The following DNMT3B variants were observed in gnomAD, a reference collection of about 807,000 sequenced individuals.
DNMT3B encodes the protein DNA methyltransferase 3 beta.
Under a neutral mutation model 120.2 loss-of-function variants are expected in DNMT3B, and 37 were observed. The observed-to-expected ratio is 0.31, with a 90% confidence interval of 0.24 to 0.40. DNMT3B has a LOEUF of 0.40. Ranked by LOEUF, DNMT3B falls within the 10% of genes least tolerant of loss-of-function variation. The pLI is 1.00. For missense variants in DNMT3B, 878 were observed against 1,137.3 expected, an observed-to-expected ratio of 0.77 and a Z score of 3.28; for synonymous variants, 412 against 442.8, an observed-to-expected ratio of 0.93 and a Z score of 0.87.
intron 1 of DNMT3B, among the ~76,000 whole-genome samples, chr20:32,766,160 G>A (rs1601039023): frequency 1.3e-5 from 2 of 152,062 alleles, no homozygotes; most frequent in East Asian, 1.9e-4. Flanking sequence ...CCTGGCCAAC[G>A]TGATAAAACC....
chr20:32,805,233 C>T, intron 20 of DNMT3B, 105 bp from the exon 21 acceptor site: 5 of 1,374,710 alleles, frequency 3.6e-6, no homozygotes, highest in Non-Finnish European at 5.2e-6. Context: ...TAGCCAAGTT[C>T]ACTGCCAGGG....
intron 4 of DNMT3B, 76 bp downstream of exon 4, chr20:32,784,935 G>A: frequency 7.1e-7 from 1 of 1,412,350 alleles, no homozygotes; most frequent in South Asian, 1.2e-5. Flanking sequence ...TACATACATA[G>A]CATAGCTCCT....
intron 1 of DNMT3B, among the ~76,000 whole-genome samples, chr20:32,768,236 C>G (rs897685594): frequency 4.7e-5 from 7 of 150,378 alleles, no homozygotes; most frequent in African/African-American, 1.5e-4. Context: ...ACTCTTGTCG[C>G]CCAGGCTGGA....
chr20:32,798,989 G>A (rs1980995741), intron 15 of DNMT3B, among the ~76,000 whole-genome samples: 1 of 152,238 alleles, frequency 6.6e-6, no homozygotes, highest in Non-Finnish European at 1.5e-5. Context: ...CCTGTCTGGG[G>A]TGATACCTTT....
In DNMT3B at chr20:32,797,275, T is replaced by A; in HGVS notation, c.1466T>A (p.Leu489His). ...TGCTGCGAGGGCCGAGAGCTGCTGCTTTGCAGCAACACGAGCTGCTGCCGG... is the reference window on the plus strand; with the variant it reads ...TGCTGCGAGGGCCGAGAGCTGCTGCATTGCAGCAACACGAGCTGCTGCCGG... ...TVCCEGRELL[L>H]CSNTSCCRCF... The change falls in exon 14 of 23, where the codon CTT (leucine) becomes CAT (histidine). Residue 489 changes from leucine to histidine, a missense_variant. Leu to His is a moderately conservative substitution (Grantham distance 99). This residue lies in a region of DNMT3B where 334 missense variants were observed against 518.8 expected (regional missense o/e 0.64). Coordinates refer to ENST00000328111, the MANE Select transcript of DNMT3B (RefSeq NM_006892.4). 1 of 1,614,142 alleles carries A rather than the reference T, an allele frequency of 6.2e-7. No individual in the cohort carries two copies. Among genetic ancestry groups the A allele is most frequent in the Non-Finnish European group, 8.5e-7 (1 of 1,180,032 alleles).
intron 6 of DNMT3B, 46 bp downstream of exon 6, chr20:32,787,497 A>G: frequency 6.3e-7 from 1 of 1,584,760 alleles, no homozygotes; most frequent in Non-Finnish European, 8.6e-7. Context: ...AGGACCCTGA[A>G]CACGGGGAAA....
chr20:32,799,190 C>T (rs1351922088), intron 15 of DNMT3B, 54 bp from the exon 16 acceptor site: 11 of 1,573,256 alleles, frequency 7.0e-6, no homozygotes, highest in Admixed American at 5.5e-5. Context: ...TCCCTCAGAG[C>T]TTGAGTCTTT....
intron 10 of DNMT3B, among the ~76,000 whole-genome samples, 176 bp downstream of exon 10, chr20:32,793,771 G>A (rs1980274931): frequency 1.3e-5 from 2 of 152,074 alleles, no homozygotes; most frequent in Admixed American, 6.6e-5. Context: ...TTAACGTTGG[G>A]TTGCACATCC....
rs1979657503 is a variant in DNMT3B at position 32,789,013 on chromosome 20, G to A, written c.813+1G>A. On this transcript the variant is annotated splice_donor_variant, in intron 7 of 22. Coordinates refer to ENST00000328111, the MANE Select transcript of DNMT3B (RefSeq NM_006892.4). LOFTEE classifies it high-confidence loss of function. ...GTTTGGCGATGGCAAGTTCTCCGAG[G>A]TGAGTCCGGGGAAGGGCAAGGGGTT... 2 of 1,613,908 alleles carry A rather than the reference G, an allele frequency of 1.2e-6. No homozygotes were observed. The highest frequency in any genetic ancestry group is 1.7e-6 in the Non-Finnish European group (2 of 1,180,038).
intron 6 of DNMT3B, among the ~76,000 whole-genome samples, chr20:32,788,202 C>T (rs1979554774): frequency 6.6e-6 from 1 of 152,106 alleles, no homozygotes; most frequent in Admixed American, 6.5e-5. Context: ...GGCTCAGAGG[C>T]CTGACAATAC....
At position 32,807,658 on chromosome 20, in the gene DNMT3B, A is replaced by C. The variant is rs528791121; in HGVS notation, c.2421-104A>C. On this transcript the variant is annotated intron_variant, in intron 22 of 22. Transcript: ENST00000328111. ...GGTCCTTGGGGACCTTACTGATGGG[A>C]CTGAGGGATGGCGAGGGCAGAAAGA... The C allele has an allele frequency of 5.8e-6, 9 of 1,547,298 alleles. No homozygotes were observed. In the African/African-American group the frequency reaches 8.1e-5, roughly 14 times the overall value.
At chr20:32,774,589 T>C (rs1441227542) in intron 1 of DNMT3B, among the ~76,000 whole-genome samples, 1 of 147,988 alleles carries the variant, frequency 6.8e-6, no homozygotes. Flanking sequence ...CTGGTGGGGA[T>C]TGGGCTTCTG....
chr20:32,808,589 C>A lies in DNMT3B; in HGVS notation c.*686C>A. 1 of 231,792 alleles carries A rather than the reference C, an allele frequency of 4.3e-6. No homozygotes were observed. Among genetic ancestry groups the A allele is most frequent in the Non-Finnish European group, 8.5e-6 (1 of 117,092 alleles). 14.4% of individuals were successfully genotyped at this position (231,792 alleles called of 1,614,324 possible). A position where few individuals can be genotyped will look rare whatever the true frequency, so the allele number is the denominator to read the frequency against. ...TCACATTCAGGGCTATTTTTTCCCC[C>A]ACAAACCCAAGGGCAGGGGCCACTC... On this transcript the variant is annotated 3_prime_UTR_variant, in exon 23 of 23. Transcript: ENST00000328111.
intron 1 of DNMT3B, among the ~76,000 whole-genome samples, chr20:32,778,065 G>A (rs1025097541): frequency 6.6e-6 from 1 of 152,222 alleles, no homozygotes; most frequent in Admixed American, 6.5e-5. Flanking sequence ...CAGGCCGGGT[G>A]TGGTGGCTCA....
intron 1 of DNMT3B, among the ~76,000 whole-genome samples, chr20:32,775,815 C>G (rs1047751455): frequency 2.6e-5 from 4 of 152,258 alleles, no homozygotes; most frequent in African/African-American, 9.6e-5. Context: ...ACGGCAATTC[C>G]AGGCACGTGC....
Position 32,780,313 on chromosome 20 carries a change from C to T in DNMT3B, c.-6-5C>T. 1 of 1,613,908 alleles carries T rather than the reference C, an allele frequency of 6.2e-7. No homozygotes were observed. Among genetic ancestry groups the T allele is most frequent in the Non-Finnish European group, 8.5e-7 (1 of 1,180,022 alleles). ...TCACCCCACCCATTCTGGCTTCTCCCACAGGAAAGCATGAAGGGAGACACC... is the reference window on the plus strand; with the variant it reads ...TCACCCCACCCATTCTGGCTTCTCCTACAGGAAAGCATGAAGGGAGACACC... On this transcript the variant is annotated splice_polypyrimidine_tract_variant and splice_region_variant and intron_variant, in intron 1 of 22. Transcript: ENST00000328111.
At chr20:32,765,743 A>T (rs369678688) in intron 1 of DNMT3B, among the ~76,000 whole-genome samples, 925 of 89,304 alleles carry the variant, frequency 0.01, 14 homozygotes, top group African/African-American at 0.035. Context: ...TTATTTATTT[A>T]TTTTTTCTTT....
chr20:32,787,603 CAT>C, intron 6 of DNMT3B, 152 bp downstream of exon 6: 1 of 918,512 alleles, frequency 1.1e-6, no homozygotes, highest in Non-Finnish European at 1.7e-6. Flanking sequence ...AAGTATCTTC[CAT>C]ATGCACCACG....
At chr20:32,780,795 C>G (rs1237048571) in intron 2 of DNMT3B, among the ~76,000 whole-genome samples, 2 of 152,086 alleles carry the variant, frequency 1.3e-5, no homozygotes, top group Non-Finnish European at 2.9e-5. Flanking sequence ...CCACTCAGAG[C>G]TGGGCTGGGG....
Sources: allele counts gnomAD v4.1 joint callset (sites outside exome capture counted in the v4.1 genomes callset), GRCh38; gene constraint gnomAD v4.1.1; regional missense constraint gnomAD v4.1.1; transcripts MANE v1.5; gene names NCBI Gene and HGNC (gene_info 2026-07-23, HGNC 2026-07-21).